Variants in CMYA5 observed in about 807,000 individuals in gnomAD.
CMYA5 encodes the protein cardiomyopathy associated 5.
CMYA5 carries 246 observed loss-of-function variants against 318.9 expected under a neutral mutation model. That is an observed-to-expected ratio of 0.77 (90% CI 0.70 to 0.86). CMYA5 has a LOEUF of 0.86. Among genes scored for constraint, CMYA5 ranks in the 40% least tolerant of loss-of-function variants. The pLI, the probability that CMYA5 is intolerant of heterozygous loss-of-function variation, is 0.00. For synonymous variants in CMYA5, 1,641 were observed against 1,729.5 expected, an observed-to-expected ratio of 0.95 and a Z score of 1.27; for missense variants, 4,589 against 4,678.2, an observed-to-expected ratio of 0.98 and a Z score of 0.56.
intron 9 of CMYA5, among the ~76,000 whole-genome samples, chr5:79,788,761 A>G (rs1829123896): frequency 1.3e-5 from 2 of 152,160 alleles, no homozygotes; most frequent in South Asian, 4.1e-4. Context: ...AGCATTCTGG[A>G]AGGCACATAA....
intron 1 of CMYA5, among the ~76,000 whole-genome samples, chr5:79,705,279 T>TA (rs904592917): frequency 2.0e-5 from 3 of 152,022 alleles, no homozygotes; most frequent in African/African-American, 7.2e-5. Flanking sequence ...CTCAAATAAA[T>TA]AAATAAAATA....
rs1221482158 is a variant in CMYA5 at position 79,737,582 on chromosome 5, T to C, written c.8817T>C (p.Asp2939=). ...GTAAGCCAGCCGGACTTTCAGAAGA[T>C]CAGAAGACTGCCTTTAGTATCATTT... is the stretch of plus-strand genomic sequence containing the variant. ...VTSKPAGLSE[D]QKTAFSIISE... Residue 2939 remains aspartate (D), a synonymous_variant, in exon 2 of 13, where the codon GAT becomes GAC. Transcript: ENST00000446378. 6.2e-7 allele frequency: 1 copy of C among 1,613,596 alleles called. No individual in the cohort carries two copies. The highest frequency in any genetic ancestry group is 1.3e-5 in the African/African-American group (1 of 74,916).
intron 7 of CMYA5, among the ~76,000 whole-genome samples, chr5:79,760,237 A>G (rs1828625712): frequency 6.8e-6 from 1 of 146,932 alleles, no homozygotes; most frequent in African/African-American, 2.5e-5. Flanking sequence ...ACACTTCCCT[A>G]TCCTGTGTCT....
intron 1 of CMYA5, among the ~76,000 whole-genome samples, chr5:79,718,517 C>A (rs1827562645): frequency 1.3e-5 from 2 of 152,200 alleles, no homozygotes; most frequent in South Asian, 4.2e-4. Context: ...CTATTACATT[C>A]TTTTGTTTTA....
chr5:79,690,168 T>G (rs1826936130), intron 1 of CMYA5, 112 bp downstream of exon 1: 1 of 1,336,960 alleles, frequency 7.5e-7, no homozygotes, highest in Admixed American at 3.8e-5. Flanking sequence ...AGCTAGGCAC[T>G]TTCTCTCTGG....
intron 12 of CMYA5, 81 bp from the exon 13 acceptor site, chr5:79,799,289 T>G: frequency 7.1e-7 from 1 of 1,409,966 alleles, no homozygotes; most frequent in Admixed American, 2.3e-5. Context: ...AACTGAAGAA[T>G]TGGTTATTCC....
chr5:79,776,833 C>CT (rs57277462), intron 9 of CMYA5, among the ~76,000 whole-genome samples: 10,206 of 152,194 alleles, frequency 0.067, 892 homozygotes, highest in African/African-American at 0.2. Context: ...AGTGACGACA[C>CT]TAACTGTAGG....
rs375930724 is a variant in CMYA5, at chr5:79,752,671, G to A, written c.10992-5G>A. 1.2e-4 allele frequency: 193 copies of A among 1,600,928 alleles called. No homozygotes were observed. The highest frequency in any genetic ancestry group is 1.5e-4 in the Non-Finnish European group (179 of 1,169,616). ...TAACTTATGTAGAGCTCTATTCCCC[G>A]ATAGGTTGCTTTCTGCAATGGAGAG... On this transcript the variant is annotated splice_polypyrimidine_tract_variant and splice_region_variant and intron_variant, in intron 5 of 12. Transcript: ENST00000446378.
Position 79,738,889 on chromosome 5 carries a change from TAC to T in CMYA5, c.10126_10127del (p.Gln3376SerfsTer24). ...CCAGAGGTCAATCTGAATGTCCCAG[TAC>T]AAGTGTCCTTCCCGGAGGAAGAATT... On this transcript the variant is annotated frameshift_variant, in exon 2 of 13. Coordinates refer to ENST00000446378, the MANE Select transcript of CMYA5 (RefSeq NM_153610.5). LOFTEE classifies it high-confidence loss of function. The T allele has an allele frequency of 6.2e-7, 1 of 1,613,898 alleles. No homozygotes were observed. The highest frequency in any genetic ancestry group is 2.2e-5 in the East Asian group (1 of 44,876).
chr5:79,706,174 A>G (rs1449359324), intron 1 of CMYA5, among the ~76,000 whole-genome samples: 1 of 152,136 alleles, frequency 6.6e-6, no homozygotes, highest in African/African-American at 2.4e-5. Context: ...ACCAGCATTT[A>G]TTATTAAGTT....
chr5:79,732,397 C>A lies in CMYA5; in HGVS notation c.3632C>A (p.Pro1211His). 1 of 1,613,700 alleles carries A rather than the reference C, an allele frequency of 6.2e-7. No individual in the cohort carries two copies. The highest frequency in any genetic ancestry group is 8.5e-7 in the Non-Finnish European group (1 of 1,179,818). ...AAAGTCAGAAAGGAAGAAATTGTGC[C>A]TGATTCTCAAGAAGCTACAGCACAT... ...LSKVRKEEIV[P>H]DSQEATAHVS... is the part of the protein sequence containing the mutation. Residue 1211 changes from proline (P) to histidine (H), a missense_variant, in exon 2 of 13, where the codon CCT becomes CAT. Around this residue, in one of 3 missense-constraint regions of CMYA5, gnomAD observed 2,132 missense variants for 2,131.3 expected, o/e 1.00. Coordinates refer to ENST00000446378, the MANE Select transcript of CMYA5 (RefSeq NM_153610.5).
chr5:79,758,218 A>G (rs962245529), intron 6 of CMYA5, among the ~76,000 whole-genome samples: 1 of 151,508 alleles, frequency 6.6e-6, no homozygotes, highest in African/African-American at 2.4e-5. Flanking sequence ...TGATAAAGCA[A>G]GACTCCATCT....
In CMYA5 at chr5:79,793,610, G is replaced by A. The variant is rs758125104; in HGVS notation, c.11963G>A (p.Arg3988Lys). ...TACATGCACTGCTCTGAGCCACAGA[G>A]GTAAGCGAGCCCTTCCCCTCCCCTC... ...SWYMHCSEPQ[R>K]YTFFYSGIVS... Residue 3988 changes from arginine to lysine, a missense_variant and splice_region_variant, in exon 12 of 13, where the codon AGA (arginine) becomes AAA (lysine). This residue lies in a region of CMYA5 where 2,431 missense variants were observed against 2,495.1 expected (regional missense o/e 0.97). Transcript: ENST00000446378. 4.4e-6 allele frequency: 7 copies of A among 1,590,024 alleles called. No individual in the cohort carries two copies. Among genetic ancestry groups the A allele is most frequent in the Non-Finnish European group, 6.0e-6 (7 of 1,160,766 alleles).
chr5:79,787,213 C>T (rs1829097488), intron 9 of CMYA5, among the ~76,000 whole-genome samples: 1 of 152,104 alleles, frequency 6.6e-6, no homozygotes, highest in Admixed American at 6.5e-5. Context: ...CACTTTTCCC[C>T]TTCCCACCCC....
Position 79,738,294 on chromosome 5 carries a change from G to A in CMYA5, c.9529G>A (p.Val3177Ile). The change falls in exon 2 of 13, where the codon GTC (valine) becomes ATC (isoleucine). Residue 3177 changes from valine (V) to isoleucine (I), a missense_variant. Val to Ile is a conservative substitution (Grantham distance 29). Transcript: ENST00000446378. ...RTQIFPTTIK[V>I]IDPEFLEEPP... is the part of the protein sequence containing the mutation. ...CCAGATATTTCCTACCACTATTAAA[G>A]TCATTGATCCAGAATTTCTGGAGGA... 1 of 1,613,478 alleles carries A rather than the reference G, an allele frequency of 6.2e-7. No homozygotes were observed. Among genetic ancestry groups the A allele is most frequent in the Non-Finnish European group, 8.5e-7 (1 of 1,179,766 alleles).
intron 9 of CMYA5, among the ~76,000 whole-genome samples, chr5:79,784,530 T>C (rs1380164562): frequency 2.2e-5 from 2 of 92,128 alleles, no homozygotes. Context: ...GCTGCCGCCT[T>C]GCAGTTTGAT....
intron 9 of CMYA5, among the ~76,000 whole-genome samples, chr5:79,765,873 C>A (rs906664080): frequency 1.3e-5 from 2 of 152,196 alleles, no homozygotes; most frequent in Admixed American, 1.3e-4. Context: ...TGCTTATCAG[C>A]TTAAGGAGAT....
chr5:79,757,972 G>A (rs1033765430), intron 6 of CMYA5, among the ~76,000 whole-genome samples: 13 of 152,236 alleles, frequency 8.5e-5, no homozygotes, highest in African/African-American at 3.1e-4. Context: ...GCTCACGCCT[G>A]TAATCCCAGC....
rs756632106 is a variant in CMYA5, at chr5:79,733,600, A to G, written c.4835A>G (p.Asp1612Gly). ...AQGDFPSEKQ[D>G]VALAELSLEP... is the part of the protein sequence containing the mutation. ...GGAGACTTCCCATCAGAAAAACAAG[A>G]TGTTGCTTTGGCAGAGCTGTCTTTG... Residue 1612 changes from aspartate to glycine, a missense_variant, in exon 2 of 13, where the codon GAT becomes GGT. Transcript: ENST00000446378. 6.2e-7 allele frequency: 1 copy of G among 1,613,700 alleles called. No homozygotes were observed. The highest frequency in any genetic ancestry group is 1.1e-5 in the South Asian group (1 of 91,078).
Sources: allele counts gnomAD v4.1 joint callset (sites outside exome capture counted in the v4.1 genomes callset), GRCh38; gene constraint gnomAD v4.1.1; regional missense constraint gnomAD v4.1.1; transcripts MANE v1.5; gene names NCBI Gene and HGNC (gene_info 2026-07-23, HGNC 2026-07-21).